The following MAGI2 variants were observed in gnomAD, a reference collection of about 807,000 sequenced individuals.
MAGI2 encodes membrane-associated guanylate kinase, WW and PDZ domain-containing protein 2.
A neutral mutation model predicts 133.3 loss-of-function variants in MAGI2; 35 were observed. The ratio of observed to expected loss-of-function variants is 0.26; its 90% confidence interval spans 0.20 to 0.35. The LOEUF is 0.35. Ranked by LOEUF, MAGI2 falls within the 10% of genes least tolerant of loss-of-function variation. MAGI2 has a pLI of 1.00. For synonymous variants in MAGI2, 729 were observed against 710.6 expected, an observed-to-expected ratio of 1.03 and a Z score of -0.41; for missense variants, 1,636 against 1,863.4, an observed-to-expected ratio of 0.88 and a Z score of 2.25.
At chr7:79,317,779 G>A (rs1838853325) in intron 1 of MAGI2, among the ~76,000 whole-genome samples, 1 of 151,984 alleles carries the variant, frequency 6.6e-6, no homozygotes, top group Non-Finnish European at 1.5e-5. Context: ...CATTTCCTTC[G>A]CTTGCCATGA....
chr7:78,835,673 T>G (rs1206278719), intron 2 of MAGI2, among the ~76,000 whole-genome samples: 1 of 152,118 alleles, frequency 6.6e-6, no homozygotes, highest in Non-Finnish European at 1.5e-5. Flanking sequence ...CAGGGTTTGC[T>G]GTATCATTCC....
intron 9 of MAGI2, among the ~76,000 whole-genome samples, chr7:78,330,533 C>T (rs1584900906): frequency 1.9e-5 from 1 of 52,746 alleles, no homozygotes; most frequent in Non-Finnish European, 3.8e-5. Flanking sequence ...AGGAGAATGG[C>T]GTGAACCCCA....
chr7:79,218,274 A>C (rs905206276), intron 1 of MAGI2, among the ~76,000 whole-genome samples: 5 of 151,964 alleles, frequency 3.3e-5, no homozygotes, highest in Admixed American at 6.6e-5. Context: ...TGCTATCTCC[A>C]ACTAGTGACT....
At chr7:78,204,601 G>T (rs963807540) in intron 10 of MAGI2, among the ~76,000 whole-genome samples, 2 of 152,056 alleles carry the variant, frequency 1.3e-5, no homozygotes, top group Non-Finnish European at 2.9e-5. Context: ...TCTCTGGTGG[G>T]ATTAAAATTT....
At chr7:78,411,340 A>G (rs1056761878) in intron 6 of MAGI2, among the ~76,000 whole-genome samples, 11 of 152,070 alleles carry the variant, frequency 7.2e-5, no homozygotes, top group African/African-American at 2.7e-4. Flanking sequence ...AACCTGGGTT[A>G]TTGAACTGAG....
At chr7:78,234,586 CATATAATATA>C (rs1226811562) in intron 10 of MAGI2, among the ~76,000 whole-genome samples, 1 of 7,034 alleles carries the variant, frequency 1.4e-4, no homozygotes. Context: ...CATTATATTT[CATATAATATA>C]ATGAATATAT....
At chr7:79,111,575 T>A (rs981306775) in intron 1 of MAGI2, among the ~76,000 whole-genome samples, 1 of 152,246 alleles carries the variant, frequency 6.6e-6, no homozygotes, top group East Asian at 1.9e-4. Context: ...TCGGAAAAAA[T>A]ATAAGCAAGC....
intron 21 of MAGI2, among the ~76,000 whole-genome samples, chr7:78,066,334 C>T (rs911000283): frequency 4.6e-5 from 7 of 151,862 alleles, no homozygotes; most frequent in African/African-American, 7.3e-5. Context: ...GGTTGGTGTG[C>T]GCCTGTAGTC....
At chr7:78,564,056 A>G (rs1434618830) in intron 3 of MAGI2, among the ~76,000 whole-genome samples, 1 of 152,152 alleles carries the variant, frequency 6.6e-6, no homozygotes, top group Non-Finnish European at 1.5e-5. Context: ...GAAACTGTAA[A>G]TTTTCAAATT....
intron 1 of MAGI2, among the ~76,000 whole-genome samples, chr7:79,296,061 C>A (rs1836904284): frequency 6.6e-6 from 1 of 152,160 alleles, no homozygotes; most frequent in African/African-American, 2.4e-5. Context: ...TGCATTAACT[C>A]AGAGTTGTTC....
chr7:79,026,274 C>T (rs1175294534), intron 1 of MAGI2, among the ~76,000 whole-genome samples: 2 of 152,148 alleles, frequency 1.3e-5, no homozygotes, highest in Non-Finnish European at 2.9e-5. Flanking sequence ...ATTTTTAAAC[C>T]TATTAAAGGA....
intron 21 of MAGI2, among the ~76,000 whole-genome samples, chr7:78,036,172 G>A (rs1045690414): frequency 2.0e-5 from 3 of 152,108 alleles, no homozygotes; most frequent in South Asian, 2.1e-4. Flanking sequence ...TGTCAGCATC[G>A]ACAAATGCCA....
At chr7:78,764,186 A>C (rs1054604803) in intron 2 of MAGI2, among the ~76,000 whole-genome samples, 1 of 152,216 alleles carries the variant, frequency 6.6e-6, no homozygotes, top group East Asian at 1.9e-4. Flanking sequence ...ATGATGCTAT[A>C]TTTATAGAAC....
At chr7:79,333,896 A>G (rs2129093165) in intron 1 of MAGI2, among the ~76,000 whole-genome samples, 1 of 152,340 alleles carries the variant, frequency 6.6e-6, no homozygotes, top group South Asian at 2.1e-4. Flanking sequence ...ATAAGTAAAC[A>G]ACTTTTAAAA....
At chr7:78,546,731 A>G (rs1798877848) in intron 3 of MAGI2, among the ~76,000 whole-genome samples, 1 of 152,028 alleles carries the variant, frequency 6.6e-6, no homozygotes, top group Non-Finnish European at 1.5e-5. Context: ...TAGGATTAGG[A>G]GTATAACCTA....
In MAGI2 at chr7:78,112,690, G is replaced by A. The variant is rs186811081; in HGVS notation, c.3567+13004C>T. Among the ~76,000 whole-genome samples, 28 of 152,310 alleles carry A rather than the reference G, an allele frequency of 1.8e-4. 1 individual carries two copies. The East Asian group carries it at 5.2e-3, about 28-fold the overall frequency. ...CAGCTTCTGTTCACGTATGCATTCAGCAGTCAATATTTACTGAGTGCCCCA... is the reference window on the plus strand; with the variant it reads ...CAGCTTCTGTTCACGTATGCATTCAACAGTCAATATTTACTGAGTGCCCCA... On this transcript the variant is annotated intron_variant, in intron 20 of 21. Coordinates refer to ENST00000354212, the MANE Select transcript of MAGI2 (RefSeq NM_012301.4).
intron 1 of MAGI2, among the ~76,000 whole-genome samples, chr7:79,257,763 A>T (rs779046504): frequency 7.2e-5 from 11 of 152,218 alleles, no homozygotes; most frequent in Non-Finnish European, 1.2e-4. Flanking sequence ...TAAATTGCAT[A>T]TAATTTGCTG....
intron 2 of MAGI2, among the ~76,000 whole-genome samples, chr7:78,978,077 T>TA (rs1804451110): frequency 6.6e-6 from 1 of 151,732 alleles, no homozygotes. Flanking sequence ...GCTGGAGTAA[T>TA]AAAAAATAAT....
chr7:79,405,971 A>T (rs1845779443), intron 1 of MAGI2, among the ~76,000 whole-genome samples: 2 of 151,600 alleles, frequency 1.3e-5, no homozygotes, highest in South Asian at 4.2e-4. Context: ...TGACAAAATA[A>T]GAATAACTTA....
Sources: gnomAD v4.1 joint callset for allele counts (sites outside exome capture counted in the v4.1 genomes callset) on GRCh38, gnomAD v4.1.1 for gene constraint, MANE v1.5 for transcripts, NCBI Gene and HGNC (gene_info 2026-07-23, HGNC 2026-07-21) for gene names.